The following FUNDC1 variants were observed in gnomAD, a reference collection of about 807,000 sequenced individuals.
The protein encoded by FUNDC1 is FUN14 domain-containing protein 1.
A neutral mutation model predicts 14.5 loss-of-function variants in FUNDC1; 10 were observed. The observed-to-expected ratio is 0.69, with a 90% CI of 0.43 to 1.17. The LOEUF is 1.17. FUNDC1 is among the 50% of genes most tolerant of loss of function. The probability of loss-of-function intolerance (pLI) is 0.00; values close to 1 mark genes in which losing one functional copy is unlikely to be tolerated. For synonymous variants in FUNDC1, 33 were observed against 39.7 expected, an observed-to-expected ratio of 0.83 and a Z score of 0.64; for missense variants, 115 against 113.8, an observed-to-expected ratio of 1.01 and a Z score of -0.05.
chrX:44,527,334 T>G lies in FUNDC1; in HGVS notation c.293A>C (p.Asp98Ala). ...IASHSGYVQI[D>A]WKRVEKDVNK... ...TACATCTTTTTCAACTCTCTTCCAG[T>G]CAATCTGCACATAGCCACTATGACT... Residue 98 changes from aspartate to alanine, a missense_variant, in exon 4 of 5, where the codon GAC becomes GCC. Coordinates refer to ENST00000378045, the MANE Select transcript of FUNDC1 (RefSeq NM_173794.4). 1 of 1,193,037 alleles carries G rather than the reference T, an allele frequency of 8.4e-7. No individual in the cohort carries two copies. Among genetic ancestry groups the G allele is most frequent in the South Asian group, 1.8e-5 (1 of 54,502 alleles).
At chrX:44,538,359 C>A (rs759553246) in intron 3 of FUNDC1, 108 bp downstream of exon 3, 4 of 557,940 alleles carry the variant, frequency 7.2e-6, no homozygotes, top group Non-Finnish European at 1.2e-5. Context: ...TCTTTCAAGA[C>A]AAAAGTCAGC....
intron 3 of FUNDC1, among the ~76,000 whole-genome samples, chrX:44,530,108 A>T (rs1463739932): frequency 2.7e-5 from 3 of 112,052 alleles, no homozygotes; most frequent in Non-Finnish European, 1.9e-5. Flanking sequence ...CAACCAATAC[A>T]TACAGGACCC....
At chrX:44,541,569 T>G (rs2038971797) in intron 2 of FUNDC1, among the ~76,000 whole-genome samples, 1 of 111,993 alleles carries the variant, frequency 8.9e-6, no homozygotes, top group Non-Finnish European at 1.9e-5. Context: ...GGGAGTTTCT[T>G]AGGTTTTTTC....
chrX:44,530,546 C>T (rs761883246), intron 3 of FUNDC1, among the ~76,000 whole-genome samples: 2 of 110,625 alleles, frequency 1.8e-5, no homozygotes, highest in South Asian at 7.7e-4. Flanking sequence ...GCAGAGACTA[C>T]AGTGAGCCGA....
rs1569187076 is a variant in FUNDC1 at position 44,531,295 on chromosome X, ATG to A, written c.262-3932_262-3931del. Among the ~76,000 whole-genome samples the A allele has an allele frequency of 0.026, 1,088 of 41,148 alleles. 157 individuals carry two copies. The African/African-American group carries it at 0.31, about 12-fold the overall frequency. 35.7% of individuals were successfully genotyped at this position (41,148 alleles called of 115,157 possible). Reference sequence around the variant, plus strand: ...ACACACACACACACACGGCTTTCAGATGAAGATTCATGTTGGCCAGACACACA... The same window carrying A: ...ACACACACACACACACGGCTTTCAGAAAGATTCATGTTGGCCAGACACACA... On this transcript the variant is annotated intron_variant, in intron 3 of 4. Transcript: ENST00000378045.
At chrX:44,526,725 A>AT (rs940393481) in intron 4 of FUNDC1, among the ~76,000 whole-genome samples, 3 of 110,938 alleles carry the variant, frequency 2.7e-5, no homozygotes, top group African/African-American at 9.8e-5. Context: ...ACTGGTTTGA[A>AT]TTTTTTCAAA....
At chrX:44,530,751 G>A (rs190193953) in intron 3 of FUNDC1, among the ~76,000 whole-genome samples, 1 of 108,277 alleles carries the variant, frequency 9.2e-6, no homozygotes, top group Admixed American at 9.9e-5. Flanking sequence ...CTATGTCAGT[G>A]AAACTAAAAA....
chrX:44,539,759 C>T (rs1020568245), intron 2 of FUNDC1, among the ~76,000 whole-genome samples: 2 of 111,228 alleles, frequency 1.8e-5, no homozygotes, highest in African/African-American at 6.5e-5. Flanking sequence ...CTCCGCCTCC[C>T]GGGTTCAAGC....
intron 3 of FUNDC1, among the ~76,000 whole-genome samples, chrX:44,535,241 A>G (rs2038942493): frequency 9.0e-6 from 1 of 111,537 alleles, no homozygotes; most frequent in Admixed American, 9.6e-5. Flanking sequence ...CCAGGGTGAG[A>G]GCCGTATACC....
rs752416807 is a variant in FUNDC1 at position 44,542,036 on chromosome X, A to C, written c.94T>G (p.Trp32Gly). 4.2e-6 allele frequency: 5 copies of C among 1,200,104 alleles called. No homozygotes were observed. The highest frequency in any genetic ancestry group is 5.6e-6 in the Non-Finnish European group (5 of 887,183). Residue 32 changes from tryptophan to glycine, a missense_variant, in exon 2 of 5, where the codon TGG becomes GGG. Coordinates refer to ENST00000378045, the MANE Select transcript of FUNDC1 (RefSeq NM_173794.4). The part of the protein sequence containing the change: ...DLTEYARRHQ[W>G]WNRVFGHSSG... ...CTGTGGCCAAACACTCGATTCCACC[A>C]CTGGTGTCTTCTTGCATACTCAGTT...
intron 2 of FUNDC1, among the ~76,000 whole-genome samples, chrX:44,541,011 G>A (rs903335562): frequency 1.8e-5 from 2 of 111,921 alleles, no homozygotes; most frequent in Non-Finnish European, 3.8e-5. Context: ...AAAAAAAAAG[G>A]CATAGAAGAG....
intron 3 of FUNDC1, 32 bp from the exon 4 acceptor site, chrX:44,527,397 T>C (rs1322136779): frequency 9.2e-7 from 1 of 1,081,410 alleles, no homozygotes; most frequent in Admixed American, 2.6e-5. Context: ...TTATCAATAC[T>C]ATACCAACTA....
At chrX:44,538,813 C>T (rs756847782) in intron 2 of FUNDC1, among the ~76,000 whole-genome samples, 43 of 111,365 alleles carry the variant, frequency 3.9e-4, no homozygotes, top group Non-Finnish European at 6.6e-4. Context: ...ACTAAAATAA[C>T]GACAAGTACT....
intron 3 of FUNDC1, among the ~76,000 whole-genome samples, chrX:44,531,548 G>A (rs2038925567): frequency 9.1e-6 from 1 of 109,892 alleles, no homozygotes; most frequent in African/African-American, 3.3e-5. Context: ...ATTTCCCAGA[G>A]AAGGGAAAGC....
chrX:44,542,778 A>T (rs1168044942), intron 1 of FUNDC1, 27 bp downstream of exon 1: 14 of 1,160,574 alleles, frequency 1.2e-5, no homozygotes, highest in Non-Finnish European at 1.6e-5. Flanking sequence ...CGCGTCCCAG[A>T]TACCACTTCG....
rs909306441 is a variant in FUNDC1, at chrX:44,523,901, C to T, written c.*297G>A. On this transcript the variant is annotated 3_prime_UTR_variant, in exon 5 of 5. Coordinates refer to ENST00000378045, the MANE Select transcript of FUNDC1 (RefSeq NM_173794.4). ...CATATTTCTTTTCTCTCCATATCTA[C>T]ATCCAATGGTGATATTTTATAGGCT... 4.4e-6 allele frequency: 1 copy of T among 227,793 alleles called. No homozygotes were observed. Among genetic ancestry groups the T allele is most frequent in the African/African-American group, 2.8e-5 (1 of 35,090 alleles). 18.8% of individuals were successfully genotyped at this position (227,793 alleles called of 1,213,427 possible). A position where few individuals can be genotyped will look rare whatever the true frequency, so the allele number is the denominator to read the frequency against.
chrX:44,531,304 CATGTTGGCCAG>C (rs2038923577), intron 3 of FUNDC1, among the ~76,000 whole-genome samples: 5 of 33,767 alleles, frequency 1.5e-4, no homozygotes, highest in African/African-American at 1.4e-3. Context: ...GATGAAGATT[CATGTTGGCCAG>C]ACACACACAC....
intron 3 of FUNDC1, among the ~76,000 whole-genome samples, chrX:44,536,250 T>G (rs1601903496): frequency 2.1e-5 from 2 of 95,753 alleles, no homozygotes; most frequent in African/African-American, 4.0e-5. Context: ...ATCCGGGAGG[T>G]GGAAGTTGCA....
chrX:44,533,309 A>T (rs756037141), intron 3 of FUNDC1, among the ~76,000 whole-genome samples: 10 of 111,082 alleles, frequency 9.0e-5, no homozygotes, highest in Middle Eastern at 4.6e-3. Flanking sequence ...CACACATAAT[A>T]AATACATCCC....
Sources: allele counts gnomAD v4.1 joint callset (sites outside exome capture counted in the v4.1 genomes callset), GRCh38; gene constraint gnomAD v4.1.1; transcripts MANE v1.5; gene names NCBI Gene and HGNC (gene_info 2026-07-23, HGNC 2026-07-21).